Variants in LRRC28 observed in about 807,000 individuals in gnomAD.
LRRC28 encodes leucine-rich repeat-containing protein 28.
Under a neutral mutation model 45.7 loss-of-function variants are expected in LRRC28, and 39 were observed. The observed-to-expected ratio is 0.85, with a 90% CI of 0.66 to 1.12. The LOEUF is 1.12. LRRC28 is among the 50% of genes most tolerant of loss of function. The pLI, the probability that LRRC28 is intolerant of heterozygous loss-of-function variation, is 0.00. For synonymous variants in LRRC28, 206 were observed against 178.8 expected (o/e 1.15, Z -1.22); for missense variants, 435 against 438.5 (o/e 0.99, Z 0.07).
intron 6 of LRRC28, among the ~76,000 whole-genome samples, chr15:99,345,813 C>A (rs1956661400): frequency 6.6e-6 from 1 of 152,124 alleles, no homozygotes; most frequent in South Asian, 2.1e-4. Flanking sequence ...CATTCAGTGA[C>A]CTTGCAACCG....
rs1363839034 is a variant in LRRC28 at position 99,388,834 on chromosome 15, G to A, written c.*2732G>A. Reference sequence around the variant, plus strand: ...ACTTCAGTGAACTCTTGTGTGGTTAGCGATAAGTTTTAAAGTCCAGGATAG... The same window carrying A: ...ACTTCAGTGAACTCTTGTGTGGTTAACGATAAGTTTTAAAGTCCAGGATAG... On this transcript the variant is annotated 3_prime_UTR_variant, in exon 10 of 10. Transcript: ENST00000301981. 6.6e-6 allele frequency: 1 copy of A among 152,298 alleles called. No individual in the cohort carries two copies. Among genetic ancestry groups the A allele is most frequent in the African/African-American group, 2.4e-5 (1 of 41,560 alleles). 9.4% of individuals were successfully genotyped at this position (152,298 alleles called of 1,614,324 possible).
At position 99,369,822 on chromosome 15, in the gene LRRC28, G is replaced by A. The variant is rs74033477; in HGVS notation, c.1031+6557G>A. ...TATTTTGAGACAGGAACTGTAGGTA[G>A]GCCGGTAACCCAATGGTTCTTCCCA... On this transcript the variant is annotated intron_variant, in intron 9 of 9. Transcript: ENST00000301981. Among the ~76,000 whole-genome samples, 596 of 152,294 alleles carry A rather than the reference G, an allele frequency of 3.9e-3. 3 individuals carry two copies. The highest frequency in any genetic ancestry group is 0.013 in the African/African-American group (560 of 41,554).
chr15:99,252,112 C>T (rs931654071), intron 1 of LRRC28: 1 of 152,146 alleles, frequency 6.6e-6, no homozygotes, highest in East Asian at 1.9e-4. Flanking sequence ...TCAGAAAGCT[C>T]GTGTGTAAGT....
chr15:99,359,729 TAATG>T (rs2152324740), intron 7 of LRRC28, among the ~76,000 whole-genome samples: 1 of 152,292 alleles, frequency 6.6e-6, no homozygotes, highest in South Asian at 2.1e-4. Context: ...AGGATAAACA[TAATG>T]AATAAATTAA....
intron 7 of LRRC28, among the ~76,000 whole-genome samples, chr15:99,354,526 G>A (rs1028786418): frequency 4.6e-5 from 7 of 152,198 alleles, no homozygotes; most frequent in African/African-American, 1.7e-4. Context: ...TGTGTTGAAA[G>A]CCTAGAAAGT....
chr15:99,273,447 C>T (rs1333610870), intron 2 of LRRC28, among the ~76,000 whole-genome samples: 1 of 149,376 alleles, frequency 6.7e-6, no homozygotes, highest in Non-Finnish European at 1.5e-5. Context: ...CCGTGTTAGA[C>T]AGGATGGTCT....
At chr15:99,319,215 G>T (rs1322318265) in intron 5 of LRRC28, among the ~76,000 whole-genome samples, 1 of 152,062 alleles carries the variant, frequency 6.6e-6, no homozygotes, top group Non-Finnish European at 1.5e-5. Flanking sequence ...CCTCATTCAG[G>T]TCAAAGCTTA....
Position 99,268,602 on chromosome 15 carries a change from A to G in LRRC28, c.169-7974A>G, listed in dbSNP as rs150245708. On this transcript the variant is annotated intron_variant, in intron 2 of 9. Transcript: ENST00000301981. ...ACTGTTAGTCCCATCGAATCAGTCAACAAATACATACGTTATGTAAGTAAG... is the reference window on the plus strand; with the variant it reads ...ACTGTTAGTCCCATCGAATCAGTCAGCAAATACATACGTTATGTAAGTAAG... Among the ~76,000 whole-genome samples the G allele has an allele frequency of 3.2e-4, 48 of 152,350 alleles. 1 individual carries two copies. The East Asian group carries it at 8.5e-3, about 27-fold the overall frequency.
intron 2 of LRRC28, among the ~76,000 whole-genome samples, chr15:99,271,312 T>A (rs1837708827): frequency 6.6e-6 from 1 of 151,320 alleles, no homozygotes; most frequent in Middle Eastern, 3.4e-3. Context: ...ATGAGTCTCA[T>A]TCTATTGCCA....
At chr15:99,366,114 A>G (rs1364370325) in intron 9 of LRRC28, among the ~76,000 whole-genome samples, 1 of 152,194 alleles carries the variant, frequency 6.6e-6, no homozygotes, top group African/African-American at 2.4e-5. Flanking sequence ...ATGCTGCAAC[A>G]AAGTGCTGCA....
Position 99,387,277 on chromosome 15 carries a change from G to C in LRRC28, c.*1175G>C, listed in dbSNP as rs1157892921. 6.6e-6 allele frequency: 1 copy of C among 151,582 alleles called. No individual in the cohort carries two copies. The highest frequency in any genetic ancestry group is 1.5e-5 in the Non-Finnish European group (1 of 67,924). The allele number at this position is 151,582 out of a possible 1,614,324, so 9.4% of individuals were successfully genotyped here. A position where few individuals can be genotyped will look rare whatever the true frequency, so the allele number is the denominator to read the frequency against. On this transcript the variant is annotated 3_prime_UTR_variant, in exon 10 of 10. Transcript: ENST00000301981. ...GGGTTTCACCGTGTTAGCCGGGATG[G>C]TCTCGATCTCCTGACCTCGTGATCC... is the stretch of plus-strand genomic sequence containing the variant.
In LRRC28 at chr15:99,276,619, G is replaced by C; in HGVS notation, c.209+3G>C. 3 of 1,515,122 alleles carry C rather than the reference G, an allele frequency of 2.0e-6. No individual in the cohort carries two copies. Among genetic ancestry groups the C allele is most frequent in the South Asian group, 1.4e-5 (1 of 73,628 alleles). 93.9% of individuals were successfully genotyped at this position (1,515,122 alleles called of 1,614,324 possible). Reference sequence around the variant, plus strand: ...AAGCTTCCAAACCTTGTGGAACTGTGAGTCTGTTTATTCAAATTTTTTAAA... The same window carrying C: ...AAGCTTCCAAACCTTGTGGAACTGTCAGTCTGTTTATTCAAATTTTTTAAA... On this transcript the variant is annotated splice_donor_region_variant and intron_variant, in intron 3 of 9. Transcript: ENST00000301981.
chr15:99,365,587 T>G (rs1447868403), intron 9 of LRRC28, among the ~76,000 whole-genome samples: 1 of 152,276 alleles, frequency 6.6e-6, no homozygotes, highest in East Asian at 1.9e-4. Flanking sequence ...AGCTTGTTGC[T>G]GAAAATATTT....
intron 2 of LRRC28, among the ~76,000 whole-genome samples, chr15:99,267,158 A>C (rs1045585507): frequency 2.0e-5 from 3 of 152,244 alleles, no homozygotes; most frequent in Non-Finnish European, 4.4e-5. Flanking sequence ...ATTTTGATTT[A>C]CAGCGATGCA....
chr15:99,351,340 C>T (rs1377791614), intron 6 of LRRC28, among the ~76,000 whole-genome samples: 1 of 152,194 alleles, frequency 6.6e-6, no homozygotes, highest in Non-Finnish European at 1.5e-5. Context: ...CTTATTTCCT[C>T]ACTGGATCCT....
intron 9 of LRRC28, among the ~76,000 whole-genome samples, chr15:99,371,974 G>C (rs1426489643): frequency 2.0e-5 from 3 of 152,168 alleles, no homozygotes; most frequent in African/African-American, 7.2e-5. Flanking sequence ...TCTGCACACA[G>C]AATCTTCCCA....
intron 2 of LRRC28, among the ~76,000 whole-genome samples, chr15:99,257,196 G>A (rs1232066013): frequency 6.6e-6 from 1 of 152,102 alleles, no homozygotes; most frequent in Non-Finnish European, 1.5e-5. Context: ...TTTTGTGATT[G>A]GCATATTGGC....
intron 6 of LRRC28, among the ~76,000 whole-genome samples, chr15:99,346,932 A>G (rs1470584729): frequency 6.6e-6 from 1 of 152,194 alleles, no homozygotes; most frequent in Non-Finnish European, 1.5e-5. Context: ...TTTCAGGTTT[A>G]TAACACGATA....
chr15:99,368,690 G>A (rs1286909393), intron 9 of LRRC28, among the ~76,000 whole-genome samples: 1 of 152,176 alleles, frequency 6.6e-6, no homozygotes, highest in Non-Finnish European at 1.5e-5. Context: ...GTCCTGTTCA[G>A]TACAAGCTAG....
Sources: allele counts gnomAD v4.1 joint callset (sites outside exome capture counted in the v4.1 genomes callset), GRCh38; gene constraint gnomAD v4.1.1; transcripts MANE v1.5; gene names NCBI Gene and HGNC (gene_info 2026-07-23, HGNC 2026-07-21).